The following RNGTT variants were observed in gnomAD, a reference collection of about 807,000 sequenced individuals.
The protein encoded by RNGTT is mRNA-capping enzyme.
RNGTT carries 33 observed loss-of-function variants against 79.3 expected under a neutral mutation model. The observed-to-expected ratio is 0.42, with a 90% confidence interval of 0.32 to 0.56. The LOEUF (loss-of-function observed/expected upper bound fraction) is 0.56. Among genes scored for constraint, RNGTT ranks in the 20% least tolerant of loss-of-function variants. The pLI is 0.17. For missense variants in RNGTT, 497 were observed against 739.1 expected (o/e 0.67, Z 3.80); for synonymous variants, 222 against 235.9 (o/e 0.94, Z 0.54).
chr6:88,936,690 T>A (rs1378136844), intron 2 of RNGTT, among the ~76,000 whole-genome samples: 1 of 152,252 alleles, frequency 6.6e-6, no homozygotes, highest in African/African-American at 2.4e-5. Flanking sequence ...TTGATTTGCA[T>A]ATGCTGAACC....
intron 11 of RNGTT, among the ~76,000 whole-genome samples, chr6:88,829,586 G>A (rs1780783914): frequency 1.3e-5 from 2 of 151,644 alleles, no homozygotes; most frequent in South Asian, 4.2e-4. Context: ...CTGGCAAATT[G>A]GATAAAGAGT....
intron 4 of RNGTT, among the ~76,000 whole-genome samples, chr6:88,911,919 T>C (rs1197665827): frequency 6.6e-6 from 1 of 150,478 alleles, no homozygotes; most frequent in African/African-American, 2.5e-5. Context: ...GACTCCTGTC[T>C]CTACAAAAAA....
intron 1 of RNGTT, among the ~76,000 whole-genome samples, chr6:88,943,055 T>A (rs1784900680): frequency 6.6e-6 from 1 of 152,230 alleles, no homozygotes; most frequent in African/African-American, 2.4e-5. Flanking sequence ...ACCTCTTTTA[T>A]ATTTTCATTC....
chr6:88,653,467 G>A lies in RNGTT; in HGVS notation c.1506+24886C>T, dbSNP rs117312047. ...TTCTTAATTGAAAAACAATTTGAGG[G>A]CTATATTTAAAGTGTTCTCAGAAGA... On this transcript the variant is annotated intron_variant, in intron 14 of 15. Transcript: ENST00000369485. 4.1e-4 allele frequency among the ~76,000 whole-genome samples: 62 copies of A among 152,062 alleles called. No individual in the cohort carries two copies. In the East Asian group the frequency reaches 0.012, roughly 28 times the overall value.
chr6:88,756,401 C>A (rs951417180), intron 13 of RNGTT, among the ~76,000 whole-genome samples: 6 of 151,474 alleles, frequency 4.0e-5, no homozygotes, highest in Admixed American at 2.0e-4. Flanking sequence ...TGAACCAGGG[C>A]GGCGGAGGTT....
intron 4 of RNGTT, among the ~76,000 whole-genome samples, chr6:88,921,229 G>A (rs1380000585): frequency 6.6e-6 from 1 of 151,848 alleles, no homozygotes; most frequent in Non-Finnish European, 1.5e-5. Context: ...CATTTGTGAT[G>A]TGGCAAAGGT....
Position 88,936,369 on chromosome 6 carries a change from C to T in RNGTT, c.174+4702G>A, listed in dbSNP as rs186073387. Among the ~76,000 whole-genome samples, 256 of 151,842 alleles carry T rather than the reference C, an allele frequency of 1.7e-3. 2 individuals are homozygous for T. Among genetic ancestry groups the T allele is most frequent in the Middle Eastern group, 6.8e-3 (2 of 294 alleles). ...TTTGACTTTTTTTCCAATTTGGGTG[C>T]CTTTTATTTCTTTCTCTTGCCTGGC... On this transcript the variant is annotated intron_variant, in intron 2 of 15. Transcript: ENST00000369485.
At chr6:88,841,670 A>G (rs774832043) in intron 11 of RNGTT, among the ~76,000 whole-genome samples, 3 of 152,216 alleles carry the variant, frequency 2.0e-5, no homozygotes, top group Non-Finnish European at 2.9e-5. Flanking sequence ...TTTTAATGTA[A>G]AAGTACTCAT....
intron 10 of RNGTT, 113 bp downstream of exon 10, chr6:88,849,642 C>A: frequency 1.1e-6 from 1 of 926,950 alleles, no homozygotes; most frequent in Non-Finnish European, 1.5e-6. Context: ...AGTGAGTAAC[C>A]TGAGTCACAA....
intron 6 of RNGTT, among the ~76,000 whole-genome samples, chr6:88,898,169 A>T (rs1783316952): frequency 6.6e-6 from 1 of 152,102 alleles, no homozygotes; most frequent in Non-Finnish European, 1.5e-5. Flanking sequence ...CTCAGTCTCC[A>T]CTTTCTCGCC....
chr6:88,959,635 TACA>T (rs947209881), intron 1 of RNGTT, among the ~76,000 whole-genome samples: 5 of 152,328 alleles, frequency 3.3e-5, no homozygotes, highest in South Asian at 2.1e-4. Flanking sequence ...TCACCTGGAC[TACA>T]ACAAGTTCCT....
At chr6:88,788,743 A>G (rs1017367400) in intron 12 of RNGTT, among the ~76,000 whole-genome samples, 2 of 152,220 alleles carry the variant, frequency 1.3e-5, no homozygotes, top group African/African-American at 4.8e-5. Flanking sequence ...AGTGAACTAG[A>G]TAACCTCTGA....
intron 13 of RNGTT, 126 bp downstream of exon 13, chr6:88,769,648 G>A: frequency 1.9e-6 from 1 of 525,172 alleles, no homozygotes; most frequent in Non-Finnish European, 3.3e-6. Context: ...AAAATATCTT[G>A]TAAAATAAAG....
chr6:88,873,151 A>G (rs1462960983), intron 8 of RNGTT, among the ~76,000 whole-genome samples: 1 of 152,166 alleles, frequency 6.6e-6, no homozygotes, highest in Non-Finnish European at 1.5e-5. Context: ...ACAACTGCTT[A>G]TCATAAAGCA....
intron 13 of RNGTT, among the ~76,000 whole-genome samples, chr6:88,720,891 G>A (rs890281545): frequency 1.3e-5 from 2 of 151,990 alleles, no homozygotes. Context: ...CAAATGTTAA[G>A]GAAATCATCA....
intron 11 of RNGTT, 132 bp downstream of exon 11, chr6:88,844,225 A>T (rs1781411387): frequency 1.6e-5 from 12 of 772,538 alleles, no homozygotes; most frequent in Non-Finnish European, 2.4e-5. Flanking sequence ...TGGCCAAAAC[A>T]GCGCTATACC....
chr6:88,893,231 T>C (rs1783113080), intron 6 of RNGTT, among the ~76,000 whole-genome samples: 2 of 152,112 alleles, frequency 1.3e-5, no homozygotes, highest in Admixed American at 1.3e-4. Context: ...AATTGTTTCT[T>C]ATGCTAATTA....
intron 15 of RNGTT, among the ~76,000 whole-genome samples, chr6:88,613,402 C>A (rs1582233746): frequency 6.6e-6 from 1 of 152,088 alleles, no homozygotes; most frequent in South Asian, 2.1e-4. Context: ...ATTTTATTTA[C>A]CTATTTGGTC....
intron 1 of RNGTT, among the ~76,000 whole-genome samples, chr6:88,957,896 A>C (rs1283767146): frequency 6.6e-6 from 1 of 152,172 alleles, no homozygotes; most frequent in African/African-American, 2.4e-5. Flanking sequence ...AATTCATTGA[A>C]CCAAAAAAGA....
Sources: allele counts gnomAD v4.1 joint callset (sites outside exome capture counted in the v4.1 genomes callset), GRCh38; gene constraint gnomAD v4.1.1; transcripts MANE v1.5; gene names NCBI Gene and HGNC (gene_info 2026-07-23, HGNC 2026-07-21).